Variants in ADAM22 observed in about 807,000 individuals in gnomAD.
ADAM22 encodes the protein disintegrin and metalloproteinase domain-containing protein 22.
Under a neutral mutation model 144.6 loss-of-function variants are expected in ADAM22, and 65 were observed. The observed-to-expected ratio is 0.45, with a 90% CI of 0.37 to 0.55. The LOEUF is 0.55. Ranked by LOEUF, ADAM22 falls within the 20% of genes least tolerant of loss-of-function variation. The pLI, the probability that ADAM22 is intolerant of heterozygous loss-of-function variation, is 0.00. For synonymous variants in ADAM22, 391 were observed against 412.6 expected, an observed-to-expected ratio of 0.95 and a Z score of 0.63; for missense variants, 974 against 1,184.9, an observed-to-expected ratio of 0.82 and a Z score of 2.61.
chr7:88,145,238 A>G (rs1338633790), intron 16 of ADAM22, 42 bp downstream of exon 16: 1 of 1,605,210 alleles, frequency 6.2e-7, no homozygotes. Context: ...TAGGTAATTC[A>G]GGGTCATTCC....
At chr7:88,074,552 A>T (rs886379042) in intron 3 of ADAM22, among the ~76,000 whole-genome samples, 1 of 152,236 alleles carries the variant, frequency 6.6e-6, no homozygotes, top group Non-Finnish European at 1.5e-5. Context: ...ATTGTTTAAT[A>T]TACTTTTTGT....
chr7:88,109,226 C>T (rs571906163), intron 5 of ADAM22, among the ~76,000 whole-genome samples: 12 of 152,126 alleles, frequency 7.9e-5, no homozygotes, highest in Admixed American at 2.6e-4. Context: ...CAGAGATCTC[C>T]GAGGAACAAA....
intron 14 of ADAM22, among the ~76,000 whole-genome samples, chr7:88,136,274 T>C (rs1246733121): frequency 1.3e-5 from 2 of 152,234 alleles, no homozygotes; most frequent in Non-Finnish European, 2.9e-5. Flanking sequence ...AACTTTGTTT[T>C]TGGTGGCTTA....
At chr7:88,060,271 T>C (rs1339251902) in intron 3 of ADAM22, among the ~76,000 whole-genome samples, 1 of 152,192 alleles carries the variant, frequency 6.6e-6, no homozygotes, top group African/African-American at 2.4e-5. Flanking sequence ...GTTTGCTGCA[T>C]TGATTACTTT....
chr7:88,029,542 C>G (rs554657266), intron 3 of ADAM22, among the ~76,000 whole-genome samples: 1 of 151,998 alleles, frequency 6.6e-6, no homozygotes, highest in Non-Finnish European at 1.5e-5. Flanking sequence ...CTGTGTTTTT[C>G]TGTGTACTTA....
In ADAM22 at chr7:88,181,525, C is replaced by A; in HGVS notation, c.2516C>A (p.Ser839Tyr). The change falls in exon 28 of 32, where the codon TCT becomes TAT. Residue 839 changes from serine to tyrosine, a missense_variant. By Grantham distance (144) the Ser-to-Tyr change is moderately radical (BLOSUM62 -2). This residue lies in a region of ADAM22 where 734 missense variants were observed against 950.6 expected (regional missense o/e 0.77). Coordinates refer to ENST00000413139, the MANE Select transcript of ADAM22 (RefSeq NM_001324418.2). ...FCSRSNGLSH[S>Y]WSERIPDTKH... ...TTCAGGTCAAATGGGCTCTCTCATT[C>A]TTGGAGTGAAAGGATTCCAGACACA... 1 of 1,613,662 alleles carries A rather than the reference C, an allele frequency of 6.2e-7. No homozygotes were observed. Among genetic ancestry groups the A allele is most frequent in the African/African-American group, 1.3e-5 (1 of 75,006 alleles).
intron 4 of ADAM22, among the ~76,000 whole-genome samples, chr7:88,097,344 G>T (rs1369279090): frequency 2.6e-5 from 4 of 151,112 alleles, no homozygotes; most frequent in African/African-American, 9.7e-5. Flanking sequence ...TAGAGACAGG[G>T]TTTCACCATG....
chr7:88,151,373 TC>T, intron 20 of ADAM22, 53 bp downstream of exon 20: 1 of 1,602,262 alleles, frequency 6.2e-7, no homozygotes, highest in Non-Finnish European at 8.6e-7. Flanking sequence ...CAGGCGGACT[TC>T]TCAAGGACGT....
intron 3 of ADAM22, among the ~76,000 whole-genome samples, chr7:88,054,023 T>C (rs1017686666): frequency 6.6e-6 from 1 of 152,088 alleles, no homozygotes; most frequent in Non-Finnish European, 1.5e-5. Flanking sequence ...TTCCAGCTAC[T>C]CGGGAGGCTG....
rs1021281311 is a variant in ADAM22, at chr7:88,096,005, T to C, written c.391-12171T>C. 1.5e-4 allele frequency among the ~76,000 whole-genome samples: 21 copies of C among 141,416 alleles called. No homozygotes were observed. The East Asian group carries it at 4.0e-3, about 27-fold the overall frequency. 92.8% of individuals were successfully genotyped at this position (141,416 alleles called of 152,430 possible). A position where few individuals can be genotyped will look rare whatever the true frequency, so the allele number is the denominator to read the frequency against. On this transcript the variant is annotated intron_variant, in intron 4 of 31. Transcript: ENST00000413139. ...GTGCAGTGGTGCGATCATAGCTCAC[T>C]GTAAACTCGAACTCCTAGCAGTACT...
At chr7:87,982,994 T>G (rs1482371052) in intron 3 of ADAM22, among the ~76,000 whole-genome samples, 1 of 149,874 alleles carries the variant, frequency 6.7e-6, no homozygotes, top group African/African-American at 2.4e-5. Context: ...CCTGGCCCAG[T>G]TATTACATAT....
At chr7:88,061,960 G>A (rs968265488) in intron 3 of ADAM22, among the ~76,000 whole-genome samples, 1 of 150,076 alleles carries the variant, frequency 6.7e-6, no homozygotes, top group Non-Finnish European at 1.5e-5. Flanking sequence ...AACCTGCCTA[G>A]CCTCCCAAAT....
At chr7:87,945,059 T>C (rs1481032980) in intron 2 of ADAM22, among the ~76,000 whole-genome samples, 1 of 152,072 alleles carries the variant, frequency 6.6e-6, no homozygotes, top group East Asian at 1.9e-4. Context: ...TTAAGGGGCT[T>C]CACACTTCTC....
intron 4 of ADAM22, among the ~76,000 whole-genome samples, chr7:88,091,479 G>C (rs555018050): frequency 6.6e-6 from 1 of 152,228 alleles, no homozygotes; most frequent in South Asian, 2.1e-4. Flanking sequence ...ATCAATACTA[G>C]TAACTGGATT....
chr7:88,003,030 T>G (rs568360957), intron 3 of ADAM22, among the ~76,000 whole-genome samples: 10 of 152,320 alleles, frequency 6.6e-5, no homozygotes, highest in African/African-American at 2.4e-4. Context: ...ATGAATTCTG[T>G]TTTTCAGTGA....
chr7:88,145,334 C>A, intron 16 of ADAM22, 81 bp from the exon 17 acceptor site: 1 of 1,493,128 alleles, frequency 6.7e-7, no homozygotes, highest in Non-Finnish European at 9.2e-7. Flanking sequence ...TGAGTTTGTA[C>A]ATTTATTTTA....
intron 3 of ADAM22, among the ~76,000 whole-genome samples, chr7:88,010,956 A>AT (rs1028442589): frequency 2.9e-4 from 44 of 152,268 alleles, no homozygotes; most frequent in African/African-American, 9.6e-4. Context: ...AGAAAGTGTA[A>AT]TTTTTTGTGA....
chr7:88,075,679 CTG>C lies in ADAM22; in HGVS notation c.380_381del (p.Val127GlyfsTer3). On this transcript the variant is annotated frameshift_variant, in exon 4 of 32. Coordinates refer to ENST00000413139, the MANE Select transcript of ADAM22 (RefSeq NM_001324418.2). LOFTEE classifies it high-confidence loss of function. Reference sequence around the variant, plus strand: ...AGACACATTGAACATGGAGGCAAGACTGTGGAAGTTAAAGTAAGTGAAATTTT... The same window carrying C: ...AGACACATTGAACATGGAGGCAAGACTGGAAGTTAAAGTAAGTGAAATTTT... 3 of 1,613,536 alleles carry C rather than the reference CTG, an allele frequency of 1.9e-6. No individual in the cohort carries two copies. Among genetic ancestry groups the C allele is most frequent in the Non-Finnish European group, 2.5e-6 (3 of 1,179,794 alleles).
intron 31 of ADAM22, among the ~76,000 whole-genome samples, chr7:88,193,628 A>C (rs561496326): frequency 8.5e-5 from 13 of 152,378 alleles, no homozygotes; most frequent in African/African-American, 3.1e-4. Context: ...TTAGAGAGGC[A>C]GACTGGTCCT....
Sources: allele counts gnomAD v4.1 joint callset (sites outside exome capture counted in the v4.1 genomes callset), GRCh38; gene constraint gnomAD v4.1.1; regional missense constraint gnomAD v4.1.1; transcripts MANE v1.5; gene names NCBI Gene and HGNC (gene_info 2026-07-23, HGNC 2026-07-21).